RAPGEF1: variants seen among roughly 807,000 people sequenced by gnomAD.
RAPGEF1 encodes Rap guanine nucleotide exchange factor 1.
In RAPGEF1, 33 loss-of-function variants were observed where a neutral mutation model predicts 143.3. The ratio of observed to expected loss-of-function variants is 0.23; its 90% CI spans 0.17 to 0.31. The LOEUF (loss-of-function observed/expected upper bound fraction) is 0.31. RAPGEF1 is among the 10% of genes least tolerant of loss of function. The probability of loss-of-function intolerance (pLI) is 1.00; values close to 1 mark genes in which losing one functional copy is unlikely to be tolerated. For missense variants in RAPGEF1, 1,199 were observed against 1,645.4 expected, an observed-to-expected ratio of 0.73 and a Z score of 4.69; for synonymous variants, 629 against 676.5, an observed-to-expected ratio of 0.93 and a Z score of 1.09.
chr9:131,711,884 T>C (rs555293192), intron 1 of RAPGEF1, among the ~76,000 whole-genome samples: 1 of 152,294 alleles, frequency 6.6e-6, no homozygotes, highest in East Asian at 1.9e-4. Context: ...TCTGTTAAGT[T>C]TCTGGGCGCA....
rs781282190 is a variant in RAPGEF1 at position 131,629,304 on chromosome 9, G to A, written c.741-50C>T. 16 of 1,561,972 alleles carry A rather than the reference G, an allele frequency of 1.0e-5. No individual in the cohort carries two copies. In the Admixed American group the frequency reaches 2.2e-4, roughly 22 times the overall value. ...GTTACAGAAGGTCAAAGGCGGGACA[G>A]AGCACACACAGGCCCTGAGAGGGTG... is the stretch of plus-strand genomic sequence containing the variant. On this transcript the variant is annotated intron_variant, in intron 6 of 26. Transcript: ENST00000683357.
At chr9:131,579,931 G>T (rs1003910759) in intron 26 of RAPGEF1, among the ~76,000 whole-genome samples, 5 of 152,200 alleles carry the variant, frequency 3.3e-5, no homozygotes, top group Admixed American at 2.6e-4. Flanking sequence ...GCCCGCCCTG[G>T]GGGAGCTCTG....
At chr9:131,734,988 A>G (rs373347400) in intron 1 of RAPGEF1, among the ~76,000 whole-genome samples, 1 of 152,318 alleles carries the variant, frequency 6.6e-6, no homozygotes, top group East Asian at 1.9e-4. Context: ...GGGTCTGGTA[A>G]ATGATGAAAC....
At chr9:131,673,696 C>G (rs549473044) in intron 1 of RAPGEF1, among the ~76,000 whole-genome samples, 1 of 152,146 alleles carries the variant, frequency 6.6e-6, no homozygotes, top group Admixed American at 6.5e-5. Context: ...AGCACCCCCC[C>G]GGCCGCCCCA....
intron 12 of RAPGEF1, among the ~76,000 whole-genome samples, chr9:131,609,194 C>T (rs921383829): frequency 3.9e-5 from 6 of 151,998 alleles, no homozygotes; most frequent in African/African-American, 1.5e-4. Context: ...CTCATGAGGA[C>T]GAGAACAACT....
chr9:131,707,771 G>GA (rs1189224384), intron 1 of RAPGEF1, among the ~76,000 whole-genome samples: 1 of 152,156 alleles, frequency 6.6e-6, no homozygotes, highest in East Asian at 1.9e-4. Flanking sequence ...TGTATACAGG[G>GA]AAAATCACAG....
intron 1 of RAPGEF1, among the ~76,000 whole-genome samples, chr9:131,715,168 G>A (rs1353082799): frequency 6.6e-6 from 1 of 152,146 alleles, no homozygotes; most frequent in African/African-American, 2.4e-5. Flanking sequence ...ATAGCTGGAG[G>A]GGCCTCAGAG....
At chr9:131,704,466 G>A (rs1018138577) in intron 1 of RAPGEF1, among the ~76,000 whole-genome samples, 3 of 151,870 alleles carry the variant, frequency 2.0e-5, no homozygotes, top group African/African-American at 7.3e-5. Context: ...ATCTGCCAAG[G>A]TCTGTGGGCT....
chr9:131,650,042 T>C lies in RAPGEF1; in HGVS notation c.315+87A>G, dbSNP rs1409163902. ...CCAGTTGAACATAATAATAGTGCAA[T>C]AGAGTTTTTTCCATCCCCAAAACCA... On this transcript the variant is annotated intron_variant, in intron 3 of 26. Coordinates refer to ENST00000683357, the MANE Select transcript of RAPGEF1 (RefSeq NM_001377935.1). The surrounding 1 kb of genome is among the most constrained non-coding windows in gnomAD (Gnocchi z 4.7). 2 of 1,077,304 alleles carry C rather than the reference T, an allele frequency of 1.9e-6. No individual in the cohort carries two copies. Among genetic ancestry groups the C allele is most frequent in the East Asian group, 2.6e-5 (1 of 38,850 alleles). 66.7% of individuals were successfully genotyped at this position (1,077,304 alleles called of 1,614,324 possible).
chr9:131,694,789 C>T (rs1264934394), intron 1 of RAPGEF1, among the ~76,000 whole-genome samples: 1 of 144,192 alleles, frequency 6.9e-6, no homozygotes, highest in African/African-American at 2.7e-5. Flanking sequence ...TCATCACCTT[C>T]ACACTTTCTT....
At chr9:131,693,459 A>AGG (rs1833924121) in intron 1 of RAPGEF1, among the ~76,000 whole-genome samples, 1 of 152,168 alleles carries the variant, frequency 6.6e-6, no homozygotes, top group Non-Finnish European at 1.5e-5. Flanking sequence ...GGAGAGAGAG[A>AGG]GAATAGCCAA....
At chr9:131,580,170 G>A (rs1050456793) in intron 26 of RAPGEF1, 93 bp downstream of exon 26, 7 of 1,514,478 alleles carry the variant, frequency 4.6e-6, no homozygotes, top group Non-Finnish European at 6.3e-6. Flanking sequence ...GGTCCTCTGT[G>A]GCTCCCCCTC....
rs536343570 is a variant in RAPGEF1 at position 131,586,174 on chromosome 9, C to A, written c.3233+1562G>T. Among the ~76,000 whole-genome samples, 228 of 151,632 alleles carry A rather than the reference C, an allele frequency of 1.5e-3. 1 individual carries two copies. Among genetic ancestry groups the A allele is most frequent in the African/African-American group, 4.7e-3 (195 of 41,286 alleles). ...TTGCGCCACTGCACTCCAGCCTGGG[C>A]GGCAGAGCCAGACTCCGTCTCAAAC... On this transcript the variant is annotated intron_variant, in intron 22 of 26. Transcript: ENST00000683357.
rs768329517 is a variant in RAPGEF1, at chr9:131,626,440, G to A, written c.1202-18C>T. The A allele has an allele frequency of 6.5e-7, 1 of 1,544,354 alleles. No homozygotes were observed. Among genetic ancestry groups the A allele is most frequent in the Non-Finnish European group, 8.7e-7 (1 of 1,143,670 alleles). ...ATAGTGGTCTGCAGTTACAACAGGG[G>A]AAAAAGAGACCCGTTAGCCACAGGC... On this transcript the variant is annotated intron_variant, in intron 9 of 26. Coordinates refer to ENST00000683357, the MANE Select transcript of RAPGEF1 (RefSeq NM_001377935.1).
At chr9:131,627,213 C>CAAAAAAAAAAA (rs10690802) in intron 9 of RAPGEF1, among the ~76,000 whole-genome samples, 15 of 97,400 alleles carry the variant, frequency 1.5e-4, no homozygotes, top group East Asian at 1.1e-3. Flanking sequence ...GGCTCTGTCT[C>CAAAAAAAAAAA]AAAAAAAAAA....
chr9:131,615,838 C>G (rs893406945), intron 12 of RAPGEF1, among the ~76,000 whole-genome samples: 1 of 152,200 alleles, frequency 6.6e-6, no homozygotes, highest in African/African-American at 2.4e-5. Flanking sequence ...CCCCCACGAC[C>G]CTGTCCTTGC....
chr9:131,596,512 G>C (rs1285181388), intron 16 of RAPGEF1, 139 bp from the exon 17 acceptor site: 3 of 855,372 alleles, frequency 3.5e-6, no homozygotes, highest in African/African-American at 3.3e-5. Flanking sequence ...CCTCGGCCCA[G>C]GAGCAGTGTG....
chr9:131,711,755 T>C (rs1040312248), intron 1 of RAPGEF1, among the ~76,000 whole-genome samples: 4 of 152,202 alleles, frequency 2.6e-5, no homozygotes, highest in African/African-American at 7.2e-5. Context: ...AGTAAATTTA[T>C]TTTACAGAGT....
At chr9:131,728,656 G>C in intron 1 of RAPGEF1, among the ~76,000 whole-genome samples, 1 of 152,178 alleles carries the variant, frequency 6.6e-6, no homozygotes, top group African/African-American at 2.4e-5. Flanking sequence ...CTTAGAGAGA[G>C]AAAGAGAAAG....
Sources: gnomAD v4.1 joint callset for allele counts (sites outside exome capture counted in the v4.1 genomes callset) on GRCh38, gnomAD v4.1.1 for gene constraint, Gnocchi (gnomAD v3.1) non-coding constraint, MANE v1.5 for transcripts, NCBI Gene and HGNC (gene_info 2026-07-23, HGNC 2026-07-21) for gene names.